ULK4: variants seen among roughly 807,000 people sequenced by gnomAD.
The protein encoded by ULK4 is unc-51 like kinase 4.
In ULK4, 133 loss-of-function variants were observed where a neutral mutation model predicts 160.6. The observed-to-expected ratio is 0.83, with a 90% CI of 0.72 to 0.96. The LOEUF is 0.96. Ranked by LOEUF, ULK4 falls within the 40% of genes least tolerant of loss-of-function variation. The pLI is 0.00. For missense variants in ULK4, 1,580 were observed against 1,499.5 expected (o/e 1.05, Z -0.89); for synonymous variants, 534 against 539.8 (o/e 0.99, Z 0.15).
chr3:41,950,352 T>C (rs542642475), intron 2 of ULK4, among the ~76,000 whole-genome samples: 2 of 152,182 alleles, frequency 1.3e-5, no homozygotes, highest in African/African-American at 4.8e-5. Flanking sequence ...GTGATTCTCC[T>C]GCCTCAGCCT....
intron 32 of ULK4, among the ~76,000 whole-genome samples, chr3:41,491,110 A>G (rs930112431): frequency 6.6e-6 from 1 of 152,262 alleles, no homozygotes; most frequent in Admixed American, 6.5e-5. Flanking sequence ...CTATGTGAAT[A>G]AATACTTAAA....
intron 30 of ULK4, among the ~76,000 whole-genome samples, chr3:41,663,288 A>G (rs533922625): frequency 6.6e-6 from 1 of 152,314 alleles, no homozygotes; most frequent in South Asian, 2.1e-4. Flanking sequence ...AATACTATTG[A>G]GATTTAATAA....
At chr3:41,772,469 G>C (rs2039428009) in intron 21 of ULK4, among the ~76,000 whole-genome samples, 1 of 152,092 alleles carries the variant, frequency 6.6e-6, no homozygotes, top group Non-Finnish European at 1.5e-5. Flanking sequence ...AGAAAATCTA[G>C]AAGAAATGGA....
intron 35 of ULK4, among the ~76,000 whole-genome samples, chr3:41,303,869 G>A (rs1032942609): frequency 2.6e-5 from 4 of 152,058 alleles, no homozygotes; most frequent in Non-Finnish European, 2.9e-5. Flanking sequence ...GCAGGGTGGG[G>A]GGCAACCAAA....
At chr3:41,881,697 T>C (rs903438306) in intron 17 of ULK4, among the ~76,000 whole-genome samples, 1 of 152,196 alleles carries the variant, frequency 6.6e-6, no homozygotes, top group Non-Finnish European at 1.5e-5. Context: ...CCATTTTTTT[T>C]AATCAAATAA....
chr3:41,882,852 C>T (rs868190268), intron 17 of ULK4, among the ~76,000 whole-genome samples: 22 of 152,126 alleles, frequency 1.4e-4, no homozygotes, highest in Non-Finnish European at 2.5e-4. Flanking sequence ...TTTTTGAGAT[C>T]CTAAGCCTTC....
chr3:41,577,704 G>A (rs1386686130), intron 31 of ULK4, among the ~76,000 whole-genome samples: 1 of 151,226 alleles, frequency 6.6e-6, no homozygotes, highest in Non-Finnish European at 1.5e-5. Context: ...TAATTTTAAA[G>A]ACAAAGAAAT....
chr3:41,837,801 T>C (rs111575409), intron 17 of ULK4, among the ~76,000 whole-genome samples: 1 of 152,026 alleles, frequency 6.6e-6, no homozygotes, highest in African/African-American at 2.4e-5. Flanking sequence ...CTTCAAGTGA[T>C]CCACCCACCT....
intron 17 of ULK4, among the ~76,000 whole-genome samples, chr3:41,843,408 G>T (rs1238916512): frequency 1.3e-5 from 2 of 152,036 alleles, no homozygotes; most frequent in African/African-American, 4.8e-5. Context: ...GACCCTCGCG[G>T]TGAGTGTTAC....
At chr3:41,831,836 G>A (rs1235942405) in intron 18 of ULK4, among the ~76,000 whole-genome samples, 1 of 152,078 alleles carries the variant, frequency 6.6e-6, no homozygotes, top group Admixed American at 6.6e-5. Context: ...TGCTGAGGAT[G>A]ATGGCTTCCA....
intron 35 of ULK4, among the ~76,000 whole-genome samples, chr3:41,317,063 A>ACTTTTTTT: frequency 1.1e-5 from 1 of 94,522 alleles, no homozygotes; most frequent in Non-Finnish European, 2.0e-5. Flanking sequence ...AATTACATCT[A>ACTTTTTTT]TTTTTTTTTT....
chr3:41,956,210 A>C (rs1700478473), intron 1 of ULK4, among the ~76,000 whole-genome samples: 1 of 152,178 alleles, frequency 6.6e-6, no homozygotes, highest in Admixed American at 6.5e-5. Flanking sequence ...GAATGGAATG[A>C]ATGAATGAAT....
intron 32 of ULK4, among the ~76,000 whole-genome samples, chr3:41,500,194 T>A (rs1446134649): frequency 6.6e-6 from 1 of 151,742 alleles, no homozygotes; most frequent in Non-Finnish European, 1.5e-5. Context: ...TCTGCTTTTT[T>A]ATTATTTTCT....
At chr3:41,424,805 A>T (rs1224801062) in intron 34 of ULK4, among the ~76,000 whole-genome samples, 5 of 149,108 alleles carry the variant, frequency 3.4e-5, no homozygotes, top group African/African-American at 1.2e-4. Flanking sequence ...TCAAAGCTAG[A>T]TAATCTCACA....
At chr3:41,837,567 T>C (rs1010733865) in intron 17 of ULK4, among the ~76,000 whole-genome samples, 5 of 89,280 alleles carry the variant, frequency 5.6e-5, no homozygotes, top group Non-Finnish European at 8.4e-5. Flanking sequence ...ATCAATAACT[T>C]TTTTTTTTTT....
intron 18 of ULK4, among the ~76,000 whole-genome samples, chr3:41,828,413 C>T (rs1158104978): frequency 1.3e-5 from 2 of 148,534 alleles, no homozygotes; most frequent in Admixed American, 1.3e-4. Flanking sequence ...TTGTCTCAGC[C>T]CAAAATCTCC....
intron 30 of ULK4, among the ~76,000 whole-genome samples, chr3:41,647,977 C>T (rs1164171389): frequency 1.3e-5 from 2 of 152,184 alleles, no homozygotes; most frequent in Non-Finnish European, 1.5e-5. Flanking sequence ...AGCGAGACTC[C>T]GTGGGCGTAG....
chr3:41,646,889 TTTC>T (rs2034521378), intron 30 of ULK4, among the ~76,000 whole-genome samples: 1 of 152,198 alleles, frequency 6.6e-6, no homozygotes, highest in Admixed American at 6.5e-5. Flanking sequence ...GCTTTGTTCA[TTTC>T]TTTTTATTCA....
At chr3:41,266,009 G>A (rs1214083778) in intron 35 of ULK4, among the ~76,000 whole-genome samples, 1 of 152,186 alleles carries the variant, frequency 6.6e-6, no homozygotes, top group African/African-American at 2.4e-5. Flanking sequence ...AGCAGAATGT[G>A]TATGCACAGG....
Sources: gnomAD v4.1 joint callset for allele counts (sites outside exome capture counted in the v4.1 genomes callset) on GRCh38, gnomAD v4.1.1 for gene constraint, MANE v1.5 for transcripts, NCBI Gene and HGNC (gene_info 2026-07-23, HGNC 2026-07-21) for gene names.